Variants in CWF19L2 observed in about 807,000 individuals in gnomAD.
CWF19L2 encodes the protein CWF19-like protein 2.
A neutral mutation model predicts 111.7 loss-of-function variants in CWF19L2; 98 were observed. That is an observed-to-expected ratio of 0.88 (90% CI 0.75 to 1.04). CWF19L2 has a LOEUF of 1.04. Ranked by LOEUF, CWF19L2 falls within the 50% of genes least tolerant of loss-of-function variation. The pLI is 0.00. For synonymous variants in CWF19L2, 351 were observed against 342.9 expected, an observed-to-expected ratio of 1.02 and a Z score of -0.26; for missense variants, 1,101 against 1,051.4, an observed-to-expected ratio of 1.05 and a Z score of -0.65.
In CWF19L2 at chr11:107,326,934, G is replaced by A; in HGVS notation, c.2661C>T (p.Asp887=). 6.2e-7 allele frequency: 1 copy of A among 1,605,392 alleles called. No homozygotes were observed. Among genetic ancestry groups the A allele is most frequent in the Non-Finnish European group, 8.5e-7 (1 of 1,176,814 alleles). The change falls in exon 18 of 18, where the codon GAC becomes GAT. Residue 887 remains aspartate (D), a synonymous_variant. Transcript: ENST00000282251. ...CTCAATAGTTTTTACTTTTGGTGAA[G>A]TCATATGGTTTCCACCACTGAGCAA... ...LQFAQWWKPY[D]FTKSKNY
chr11:107,403,425 G>A, intron 10 of CWF19L2: 2 of 759,830 alleles, frequency 2.6e-6, no homozygotes, highest in African/African-American at 1.7e-5. Flanking sequence ...TCTTCTGGTA[G>A]GGGATCTGTC....
intron 13 of CWF19L2, among the ~76,000 whole-genome samples, chr11:107,352,879 ACTT>A (rs889699035): frequency 1.4e-4 from 21 of 152,162 alleles, no homozygotes; most frequent in East Asian, 7.7e-4. Context: ...CATTCATTCA[ACTT>A]CTTCTACTTT....
At chr11:107,389,130 T>C (rs1022557615) in intron 12 of CWF19L2, among the ~76,000 whole-genome samples, 31 of 152,358 alleles carry the variant, frequency 2.0e-4, no homozygotes, top group Middle Eastern at 3.4e-3. Flanking sequence ...TAAAAGATTG[T>C]AAGTCTGAAA....
rs1315879245 is a variant in CWF19L2 at position 107,433,726 on chromosome 11, A to C, written c.688T>G (p.Leu230Val). Residue 230 changes from leucine to valine, a missense_variant, in exon 7 of 18, where the codon TTA (leucine) becomes GTA (valine). By Grantham distance (32) the Leu-to-Val change is conservative (BLOSUM62 1). Coordinates refer to ENST00000282251, the MANE Select transcript of CWF19L2 (RefSeq NM_152434.3). Reference sequence around the variant, plus strand: ...AGATAAGATTTCCTTAGCCAGCTTAATCCACCATCTTCTACCACTGAAACT... The same window carrying C: ...AGATAAGATTTCCTTAGCCAGCTTACTCCACCATCTTCTACCACTGAAACT... ...TKVSVVEDGG[L>V]SWLRKSYLRM... The C allele has an allele frequency of 6.3e-7, 1 of 1,581,452 alleles. No homozygotes were observed.
At chr11:107,361,906 G>T (rs1289654011) in intron 12 of CWF19L2, among the ~76,000 whole-genome samples, 1 of 152,146 alleles carries the variant, frequency 6.6e-6, no homozygotes, top group Non-Finnish European at 1.5e-5. Context: ...ATTTCCATCT[G>T]AGGTACCGGG....
At chr11:107,457,257 T>C (rs947502289) in intron 1 of CWF19L2, among the ~76,000 whole-genome samples, 1 of 152,190 alleles carries the variant, frequency 6.6e-6, no homozygotes, top group Non-Finnish European at 1.5e-5. Flanking sequence ...CTGGAATTGA[T>C]ACCAATAGAG....
At chr11:107,421,379 A>G (rs1861300820) in intron 8 of CWF19L2, among the ~76,000 whole-genome samples, 1 of 152,124 alleles carries the variant, frequency 6.6e-6, no homozygotes, top group African/African-American at 2.4e-5. Context: ...AAGTTTAAAA[A>G]ATTCAAAAAA....
intron 3 of CWF19L2, among the ~76,000 whole-genome samples, chr11:107,448,957 G>T (rs1019078908): frequency 6.6e-6 from 1 of 151,088 alleles, no homozygotes; most frequent in African/African-American, 2.4e-5. Context: ...TAAACACAAA[G>T]AAATCAATAC....
rs11212217 is a variant in CWF19L2, at chr11:107,421,346, C to T, written c.1434-3059G>A. On this transcript the variant is annotated intron_variant, in intron 8 of 17. Coordinates refer to ENST00000282251, the MANE Select transcript of CWF19L2 (RefSeq NM_152434.3). ...CACCTCATCTTACACCTTAAGAAAG[C>T]AGAAAAAGAGCAAATTAAAACAAAG... is the stretch of plus-strand genomic sequence containing the variant. 6.6e-5 allele frequency among the ~76,000 whole-genome samples: 10 copies of T among 151,484 alleles called. No individual in the cohort carries two copies. The East Asian group carries it at 1.9e-3, about 29-fold the overall frequency.
intron 8 of CWF19L2, among the ~76,000 whole-genome samples, chr11:107,428,477 T>C (rs934174807): frequency 2.6e-5 from 4 of 152,104 alleles, no homozygotes; most frequent in African/African-American, 9.7e-5. Flanking sequence ...AGTAATGGCA[T>C]TGGTAACAAA....
At chr11:107,454,866 T>C (rs1197848283) in intron 2 of CWF19L2, among the ~76,000 whole-genome samples, 1 of 152,140 alleles carries the variant, frequency 6.6e-6, no homozygotes, top group Non-Finnish European at 1.5e-5. Flanking sequence ...AACACATATA[T>C]ACACAAACAT....
chr11:107,448,718 G>A (rs1310937578), intron 3 of CWF19L2, among the ~76,000 whole-genome samples: 2 of 152,086 alleles, frequency 1.3e-5, no homozygotes, highest in Non-Finnish European at 2.9e-5. Context: ...CTGGGAATGG[G>A]ATTAGTGCCC....
At chr11:107,454,197 T>C (rs1861820134) in intron 3 of CWF19L2, among the ~76,000 whole-genome samples, 1 of 152,206 alleles carries the variant, frequency 6.6e-6, no homozygotes, top group African/African-American at 2.4e-5. Context: ...CAGCAGGCCT[T>C]GGGCAAGATC....
intron 14 of CWF19L2, among the ~76,000 whole-genome samples, chr11:107,344,000 A>G (rs931609304): frequency 6.6e-6 from 1 of 152,182 alleles, no homozygotes; most frequent in Admixed American, 6.5e-5. Context: ...ATATCACCTG[A>G]GGCCAGGAGT....
At chr11:107,421,818 T>A (rs758430585) in intron 8 of CWF19L2, among the ~76,000 whole-genome samples, 1 of 152,134 alleles carries the variant, frequency 6.6e-6, no homozygotes, top group Non-Finnish European at 1.5e-5. Flanking sequence ...TATTTAAACA[T>A]ACAGTTACCA....
At chr11:107,394,830 T>C (rs971677158) in intron 10 of CWF19L2, among the ~76,000 whole-genome samples, 4 of 152,152 alleles carry the variant, frequency 2.6e-5, no homozygotes, top group African/African-American at 4.8e-5. Context: ...ATCACCCATA[T>C]TGCAAAAAAA....
In CWF19L2 at chr11:107,374,163, C is replaced by T. The variant is rs374797027; in HGVS notation, c.1872+15911G>A. ...GTCGGATTGGTGTACCTGAAAGTGACGGGGAGAATGGAACCAAGTTGGAAA... is the reference window on the plus strand; with the variant it reads ...GTCGGATTGGTGTACCTGAAAGTGATGGGGAGAATGGAACCAAGTTGGAAA... On this transcript the variant is annotated intron_variant, in intron 12 of 17. Transcript: ENST00000282251. Among the ~76,000 whole-genome samples the T allele has an allele frequency of 1.7e-4, 23 of 133,546 alleles. 4 individuals are homozygous for T. The highest frequency in any genetic ancestry group is 1.0e-3 in the South Asian group (4 of 3,954). The allele number at this position is 133,546 out of a possible 152,430, so 87.6% of individuals were successfully genotyped here.
At chr11:107,387,513 A>G (rs1385656533) in intron 12 of CWF19L2, among the ~76,000 whole-genome samples, 9 of 152,160 alleles carry the variant, frequency 5.9e-5, no homozygotes, top group Non-Finnish European at 1.5e-5. Flanking sequence ...ATTAAAACAA[A>G]TATGAAAGTT....
intron 12 of CWF19L2, among the ~76,000 whole-genome samples, chr11:107,368,821 CTGA>C (rs1860470095): frequency 7.3e-6 from 1 of 137,504 alleles, no homozygotes. Flanking sequence ...TATTCTTTTC[CTGA>C]TAATACACAA....
Sources: gnomAD v4.1 joint callset for allele counts (sites outside exome capture counted in the v4.1 genomes callset) on GRCh38, gnomAD v4.1.1 for gene constraint, MANE v1.5 for transcripts, NCBI Gene and HGNC (gene_info 2026-07-23, HGNC 2026-07-21) for gene names.